MARCHF1: variants seen among roughly 807,000 people sequenced by gnomAD.
MARCHF1 encodes E3 ubiquitin-protein ligase MARCHF1.
MARCHF1 carries 40 observed loss-of-function variants against 54.2 expected under a neutral mutation model. The ratio of observed to expected loss-of-function variants is 0.74; its 90% CI spans 0.57 to 0.96. The LOEUF is 0.96. MARCHF1 is among the 40% of genes least tolerant of loss of function. The pLI is 0.00. For synonymous variants in MARCHF1, 236 were observed against 236.3 expected (o/e 1.00, Z 0.01); for missense variants, 586 against 656.5 (o/e 0.89, Z 1.17).
intron 2 of MARCHF1, among the ~76,000 whole-genome samples, chr4:164,008,259 A>G (rs113683104): frequency 2.9e-4 from 44 of 152,288 alleles, no homozygotes; most frequent in African/African-American, 1.0e-3. Context: ...TAATCATAAA[A>G]GGGTTAGTTC....
At chr4:164,020,900 C>T (rs990599850) in intron 2 of MARCHF1, among the ~76,000 whole-genome samples, 1 of 152,194 alleles carries the variant, frequency 6.6e-6, no homozygotes, top group African/African-American at 2.4e-5. Flanking sequence ...TACTGCACTC[C>T]AGCCTGGGTG....
At chr4:163,875,353 A>G (rs1750266549) in intron 3 of MARCHF1, among the ~76,000 whole-genome samples, 1 of 152,172 alleles carries the variant, frequency 6.6e-6, no homozygotes, top group Admixed American at 6.6e-5. Flanking sequence ...CATCGATGTG[A>G]AAAGGCAACT....
At chr4:163,607,895 C>A (rs1055959272) in intron 7 of MARCHF1, among the ~76,000 whole-genome samples, 1 of 152,086 alleles carries the variant, frequency 6.6e-6, no homozygotes, top group African/African-American at 2.4e-5. Context: ...TTTTAACAAG[C>A]CCTCCAGTTG....
At chr4:163,831,080 A>G (rs1401260923) in intron 4 of MARCHF1, among the ~76,000 whole-genome samples, 1 of 152,216 alleles carries the variant, frequency 6.6e-6, no homozygotes, top group African/African-American at 2.4e-5. Context: ...GAGTCTTTAC[A>G]AAAAGCTCAG....
intron 1 of MARCHF1, among the ~76,000 whole-genome samples, chr4:164,274,301 C>T (rs1733816807): frequency 6.6e-6 from 1 of 152,144 alleles, no homozygotes; most frequent in South Asian, 2.1e-4. Flanking sequence ...GGGCCTTATC[C>T]ATACCTTCAA....
At position 164,253,362 on chromosome 4, in the gene MARCHF1, A is replaced by G. The variant is rs541487325; in HGVS notation, c.-323+130508T>C. On this transcript the variant is annotated intron_variant, in intron 1 of 9. Transcript: ENST00000514618. ...CTCAACCTTTTTGAAGTAAAACTAT[A>G]TTCCACTGAGTAGAAAACCTTCAGA... Among the ~76,000 whole-genome samples, 4 of 152,312 alleles carry G rather than the reference A, an allele frequency of 2.6e-5. No homozygotes were observed. The South Asian group carries it at 8.3e-4, about 32-fold the overall frequency.
chr4:164,239,067 G>A (rs1403535656), intron 1 of MARCHF1, among the ~76,000 whole-genome samples: 1 of 151,910 alleles, frequency 6.6e-6, no homozygotes, highest in Non-Finnish European at 1.5e-5. Flanking sequence ...GTTGATTATA[G>A]GGGTATTTCT....
intron 3 of MARCHF1, among the ~76,000 whole-genome samples, chr4:163,866,482 A>ATAT (rs1560794971): frequency 2.1e-5 from 3 of 143,240 alleles, no homozygotes; most frequent in African/African-American, 2.5e-5. Flanking sequence ...ATATATATAT[A>ATAT]ATAGGACTGT....
intron 9 of MARCHF1, among the ~76,000 whole-genome samples, chr4:163,532,660 T>A (rs1242742151): frequency 6.6e-6 from 1 of 151,904 alleles, no homozygotes; most frequent in Non-Finnish European, 1.5e-5. Context: ...ATCCAAAATA[T>A]ACAAAGATCT....
chr4:164,216,328 T>C (rs1473279979), intron 1 of MARCHF1, among the ~76,000 whole-genome samples: 3 of 152,198 alleles, frequency 2.0e-5, no homozygotes, highest in East Asian at 3.9e-4. Flanking sequence ...GTATAAATAA[T>C]GTGCAGTTAC....
chr4:164,211,822 T>C (rs902921831), intron 1 of MARCHF1, among the ~76,000 whole-genome samples: 1 of 151,846 alleles, frequency 6.6e-6, no homozygotes, highest in Non-Finnish European at 1.5e-5. Flanking sequence ...TTTGAGAGAG[T>C]TCGCTTTGAA....
intron 5 of MARCHF1, among the ~76,000 whole-genome samples, chr4:163,684,193 A>G (rs979187620): frequency 6.6e-6 from 1 of 152,182 alleles, no homozygotes; most frequent in African/African-American, 2.4e-5. Flanking sequence ...TTTCAAGGAG[A>G]AGGGAACATA....
chr4:164,035,930 T>TAAAAAAAAA (rs35474146), intron 2 of MARCHF1, among the ~76,000 whole-genome samples: 3 of 116,632 alleles, frequency 2.6e-5, no homozygotes, highest in Non-Finnish European at 3.5e-5. Context: ...AAACTAAAAC[T>TAAAAAAAAA]AAAAAAAAAA....
chr4:164,058,901 T>C (rs1161584551), intron 2 of MARCHF1, among the ~76,000 whole-genome samples: 3 of 152,234 alleles, frequency 2.0e-5, no homozygotes, highest in Non-Finnish European at 4.4e-5. Context: ...AAATTGTGTA[T>C]TCAGAGATGT....
chr4:163,618,801 T>A (rs1741591335), intron 5 of MARCHF1, among the ~76,000 whole-genome samples: 1 of 152,168 alleles, frequency 6.6e-6, no homozygotes, highest in South Asian at 2.1e-4. Context: ...AGGGGCTTCT[T>A]GTTTAGTGGA....
intron 3 of MARCHF1, among the ~76,000 whole-genome samples, chr4:163,886,197 C>A (rs1750528719): frequency 6.7e-6 from 1 of 149,490 alleles, no homozygotes; most frequent in South Asian, 2.1e-4. Context: ...ATCTATAGAT[C>A]TATCTCTCAA....
chr4:164,182,231 C>T (rs954987472), intron 1 of MARCHF1, among the ~76,000 whole-genome samples: 1 of 152,090 alleles, frequency 6.6e-6, no homozygotes, highest in East Asian at 1.9e-4. Flanking sequence ...CGGAGCCTGA[C>T]ATAGGTCAAT....
chr4:163,800,908 A>G (rs1579297021), intron 4 of MARCHF1, among the ~76,000 whole-genome samples: 2 of 152,044 alleles, frequency 1.3e-5, no homozygotes, highest in African/African-American at 2.4e-5. Flanking sequence ...TCAGCGAATA[A>G]ATAGATAATA....
chr4:164,014,706 C>T lies in MARCHF1; in HGVS notation c.-247-25997G>A, dbSNP rs114070394. On this transcript the variant is annotated intron_variant, in intron 2 of 9. Transcript: ENST00000514618. The stretch of plus-strand genomic sequence containing the variant: ...ATTAAAAGAATGGAAAAATATATTC[C>T]ATGGACATGTAAACTAAAAAGAGCA... Among the ~76,000 whole-genome samples the T allele has an allele frequency of 9.8e-3, 1,496 of 151,980 alleles. 18 individuals carry two copies. Among genetic ancestry groups the T allele is most frequent in the African/African-American group, 0.033 (1,373 of 41,482 alleles).
Sources: allele counts gnomAD v4.1 joint callset (sites outside exome capture counted in the v4.1 genomes callset), GRCh38; gene constraint gnomAD v4.1.1; transcripts MANE v1.5; gene names NCBI Gene and HGNC (gene_info 2026-07-23, HGNC 2026-07-21).